Variants in CNTN5 observed in about 807,000 individuals in gnomAD.
CNTN5 encodes contactin-5.
A neutral mutation model predicts 129.1 loss-of-function variants in CNTN5; 77 were observed. The ratio of observed to expected loss-of-function variants is 0.60; its 90% CI spans 0.50 to 0.72. CNTN5 has a LOEUF of 0.72. Ranked by LOEUF, CNTN5 falls within the 30% of genes least tolerant of loss-of-function variation. The pLI is 0.00. For synonymous variants in CNTN5, 509 were observed against 465.6 expected, an observed-to-expected ratio of 1.09 and a Z score of -1.20; for missense variants, 1,478 against 1,328.8, an observed-to-expected ratio of 1.11 and a Z score of -1.75.
intron 1 of CNTN5, among the ~76,000 whole-genome samples, chr11:99,235,132 C>T (rs1591395376): frequency 6.6e-6 from 1 of 151,558 alleles, no homozygotes; most frequent in East Asian, 1.9e-4. Context: ...TTAACATTCA[C>T]CTTTGGAAGA....
At chr11:99,892,802 G>C (rs1335506952) in intron 6 of CNTN5, among the ~76,000 whole-genome samples, 1 of 152,088 alleles carries the variant, frequency 6.6e-6, no homozygotes, top group Non-Finnish European at 1.5e-5. Context: ...GATTGCCTTG[G>C]CTATGTGGGC....
chr11:99,984,625 A>G (rs1017441134), intron 8 of CNTN5, among the ~76,000 whole-genome samples: 2 of 152,120 alleles, frequency 1.3e-5, no homozygotes, highest in Non-Finnish European at 1.5e-5. Context: ...TTGAAGTGAA[A>G]CATAAACTGA....
intron 3 of CNTN5, among the ~76,000 whole-genome samples, chr11:99,784,747 C>G (rs918520615): frequency 2.7e-5 from 4 of 147,452 alleles, no homozygotes; most frequent in African/African-American, 1.0e-4. Flanking sequence ...TGTTTCCTGA[C>G]TTTTTAATGA....
intron 15 of CNTN5, among the ~76,000 whole-genome samples, chr11:100,221,865 C>T (rs1447139199): frequency 6.6e-6 from 1 of 151,932 alleles, no homozygotes; most frequent in African/African-American, 2.4e-5. Flanking sequence ...AAGGGTAATT[C>T]CTAAGAGACA....
chr11:99,915,381 C>T (rs1405907460), intron 6 of CNTN5, among the ~76,000 whole-genome samples: 2 of 152,016 alleles, frequency 1.3e-5, no homozygotes. Context: ...TAAGGGAAGG[C>T]CATTGATCTC....
chr11:100,038,092 T>C (rs1232145397), intron 9 of CNTN5, among the ~76,000 whole-genome samples: 9 of 152,200 alleles, frequency 5.9e-5, no homozygotes, highest in East Asian at 3.9e-4. Flanking sequence ...CCTGCTTTCT[T>C]TTGTGGGCAT....
At chr11:99,526,456 G>T (rs921094920) in intron 2 of CNTN5, among the ~76,000 whole-genome samples, 13 of 152,164 alleles carry the variant, frequency 8.5e-5, no homozygotes, top group African/African-American at 2.9e-4. Flanking sequence ...ACAAAGAGAT[G>T]AAATAGTTTT....
intron 21 of CNTN5, among the ~76,000 whole-genome samples, chr11:100,313,464 T>C (rs927012554): frequency 1.8e-4 from 25 of 140,478 alleles, no homozygotes; most frequent in Non-Finnish European, 3.7e-4. Context: ...AAAAAAAAAA[T>C]GAAGGAAACT....
intron 2 of CNTN5, among the ~76,000 whole-genome samples, chr11:99,396,466 T>G (rs903088758): frequency 6.6e-6 from 1 of 151,588 alleles, no homozygotes; most frequent in Non-Finnish European, 1.5e-5. Context: ...CAGGACCTGT[T>G]TTTATAAACC....
At chr11:100,054,589 A>G (rs1261844191) in intron 9 of CNTN5, among the ~76,000 whole-genome samples, 1 of 151,872 alleles carries the variant, frequency 6.6e-6, no homozygotes, top group African/African-American at 2.4e-5. Flanking sequence ...GCTGCATAGC[A>G]TGACACTTCA....
At chr11:100,196,171 T>C (rs548282684) in intron 15 of CNTN5, among the ~76,000 whole-genome samples, 2 of 152,036 alleles carry the variant, frequency 1.3e-5, no homozygotes, top group African/African-American at 4.8e-5. Context: ...GAATAGAGTG[T>C]GCCTATGATT....
intron 7 of CNTN5, among the ~76,000 whole-genome samples, chr11:99,931,119 A>G (rs898326666): frequency 2.6e-5 from 4 of 152,206 alleles, no homozygotes; most frequent in African/African-American, 9.6e-5. Context: ...GTGCTTATCA[A>G]CAGATACATT....
intron 13 of CNTN5, among the ~76,000 whole-genome samples, chr11:100,185,004 GGC>G (rs1036734723): frequency 8.3e-5 from 12 of 145,400 alleles, no homozygotes; most frequent in African/African-American, 3.0e-4. Flanking sequence ...TTCCCACCTT[GGC>G]GCTCTCTCTC....
rs562807801 is a variant in CNTN5 at position 99,827,447 on chromosome 11, T to G, written c.277+7682T>G. Reference sequence around the variant, plus strand: ...TAATTGTCTTCTGTGTGTCCTGAAATGTTTTCAGCATTATAACAGCAATAG... The same window carrying G: ...TAATTGTCTTCTGTGTGTCCTGAAAGGTTTTCAGCATTATAACAGCAATAG... On this transcript the variant is annotated intron_variant, in intron 4 of 24. Transcript: ENST00000524871. Among the ~76,000 whole-genome samples, 3 of 152,308 alleles carry G rather than the reference T, an allele frequency of 2.0e-5. No homozygotes were observed. The East Asian group carries it at 5.8e-4, about 29-fold the overall frequency.
At chr11:99,319,427 G>T (rs77131194) in intron 1 of CNTN5, among the ~76,000 whole-genome samples, 3,099 of 152,222 alleles carry the variant, frequency 0.02, 110 homozygotes, top group African/African-American at 0.071. Flanking sequence ...TCAGTAATGG[G>T]CTGGATGCCC....
intron 3 of CNTN5, among the ~76,000 whole-genome samples, chr11:99,582,566 T>G (rs761865927): frequency 7.2e-5 from 11 of 152,224 alleles, no homozygotes; most frequent in Admixed American, 2.0e-4. Flanking sequence ...CATGCTTCAT[T>G]TCATTCATTT....
At chr11:99,680,188 A>G (rs935058574) in intron 3 of CNTN5, among the ~76,000 whole-genome samples, 3 of 152,202 alleles carry the variant, frequency 2.0e-5, no homozygotes, top group African/African-American at 7.2e-5. Context: ...AAGATCATGG[A>G]CAAAACTATC....
intron 6 of CNTN5, among the ~76,000 whole-genome samples, chr11:99,898,707 T>C (rs973057391): frequency 6.6e-6 from 1 of 152,024 alleles, no homozygotes; most frequent in Admixed American, 6.6e-5. Flanking sequence ...TACCGTGATT[T>C]TTTTTTCATT....
rs1450596360 is a variant in CNTN5 at position 100,161,988 on chromosome 11, A to ACTC, written c.1581-29138_1581-29137insCTC. Among the ~76,000 whole-genome samples, 46 of 151,988 alleles carry ACTC rather than the reference A, an allele frequency of 3.0e-4. 1 individual carries two copies. In the East Asian group the frequency reaches 8.4e-3, roughly 28 times the overall value. On this transcript the variant is annotated intron_variant, in intron 13 of 24. Coordinates refer to ENST00000524871, the MANE Select transcript of CNTN5 (RefSeq NM_014361.4). ...AAGTCATCTTCTCTAATGGAACTTT[A>ACTC]AAATTGAGAGTGGTTCACTATGCTA...
Sources: allele counts gnomAD v4.1 joint callset (sites outside exome capture counted in the v4.1 genomes callset), GRCh38; gene constraint gnomAD v4.1.1; transcripts MANE v1.5; gene names NCBI Gene and HGNC (gene_info 2026-07-23, HGNC 2026-07-21).